DOCK4: variants seen among roughly 807,000 people sequenced by gnomAD.
DOCK4 encodes dedicator of cytokinesis protein 4.
A neutral mutation model predicts 268.1 loss-of-function variants in DOCK4; 97 were observed. The ratio of observed to expected loss-of-function variants is 0.36; its 90% CI spans 0.31 to 0.43. The LOEUF is 0.43. DOCK4 is among the 20% of genes least tolerant of loss of function. The pLI is 1.00. For missense variants in DOCK4, 2,145 were observed against 2,455.7 expected (o/e 0.87, Z 2.67); for synonymous variants, 954 against 887.2 (o/e 1.08, Z -1.34).
At chr7:111,802,610 G>A (rs1343287733) in intron 30 of DOCK4, among the ~76,000 whole-genome samples, 9 of 152,074 alleles carry the variant, frequency 5.9e-5, no homozygotes, top group East Asian at 1.9e-4. Context: ...TAGTCTTTCC[G>A]GAGCCTGGCA....
chr7:112,114,873 A>G (rs1811981747), intron 1 of DOCK4, among the ~76,000 whole-genome samples: 6 of 152,210 alleles, frequency 3.9e-5, no homozygotes, highest in Admixed American at 2.6e-4. Flanking sequence ...AATCCAAAGT[A>G]AAAAGGCGGA....
chr7:111,764,528 A>G (rs562231401), intron 39 of DOCK4, among the ~76,000 whole-genome samples: 6 of 152,234 alleles, frequency 3.9e-5, no homozygotes, highest in South Asian at 2.1e-4. Context: ...CAAGCATAGA[A>G]GACACTACTG....
At chr7:111,883,078 C>T (rs1586259925) in intron 16 of DOCK4, among the ~76,000 whole-genome samples, 1 of 152,132 alleles carries the variant, frequency 6.6e-6, no homozygotes, top group Admixed American at 6.5e-5. Flanking sequence ...CAAATCATTG[C>T]TTTTACTACT....
At chr7:111,831,780 T>C (rs989732818) in intron 26 of DOCK4, among the ~76,000 whole-genome samples, 2 of 152,168 alleles carry the variant, frequency 1.3e-5, no homozygotes, top group African/African-American at 2.4e-5. Context: ...TGAGGTACCG[T>C]GTCTGGCCAA....
rs375983845 is a variant in DOCK4, at chr7:111,915,818, T to A, written c.1153A>T (p.Ile385Leu). The A allele has an allele frequency of 2.3e-5, 37 of 1,613,230 alleles. No individual in the cohort carries two copies. In the East Asian group the frequency reaches 3.1e-4, roughly 14 times the overall value. Residue 385 changes from isoleucine to leucine, a missense_variant, in exon 13 of 53, where the codon ATA becomes TTA. Physicochemically the swap from Ile to Leu is conservative, Grantham distance 5. Transcript: ENST00000428084. ...TTTGAAAATCCCAGCTTCCTTGTTA[T>A]GGATACTCCATGAGAAAATACTGAT... is the stretch of plus-strand genomic sequence containing the variant. The part of the protein sequence containing the change: ...YSSVFSHGVS[I>L]TRKLGFSNII...
rs1354212116 is a variant in DOCK4, at chr7:111,788,593, G to A, written c.3401+69C>T. On this transcript the variant is annotated intron_variant, in intron 32 of 52. Transcript: ENST00000428084. ...CTTTGCAGCTCTCAGCTACCGTGGT[G>A]CAGAGAGGCTCAGTACTGACACCAA... The A allele has an allele frequency of 6.2e-6, 8 of 1,300,804 alleles. No individual in the cohort carries two copies. The East Asian group carries it at 1.8e-4, about 29-fold the overall frequency. 80.6% of individuals were successfully genotyped at this position (1,300,804 alleles called of 1,614,324 possible). A position where few individuals can be genotyped will look rare whatever the true frequency, so the allele number is the denominator to read the frequency against.
At chr7:112,043,923 A>G (rs1027158826) in intron 1 of DOCK4, among the ~76,000 whole-genome samples, 2 of 151,982 alleles carry the variant, frequency 1.3e-5, no homozygotes, top group Non-Finnish European at 2.9e-5. Flanking sequence ...AGATTTCCCA[A>G]TGAGTGACTT....
chr7:111,894,051 G>A (rs915421893), intron 16 of DOCK4, among the ~76,000 whole-genome samples: 18 of 151,980 alleles, frequency 1.2e-4, no homozygotes, highest in Admixed American at 5.9e-4. Flanking sequence ...GTGAAACCCC[G>A]TCTCTACTAA....
chr7:112,004,161 A>G (rs1299519483), intron 1 of DOCK4, 30 bp from the exon 2 acceptor site: 2 of 1,503,026 alleles, frequency 1.3e-6, no homozygotes, highest in Admixed American at 3.9e-5. Flanking sequence ...ATATATGAAG[A>G]CAATCATGTC....
intron 39 of DOCK4, among the ~76,000 whole-genome samples, chr7:111,762,586 C>T (rs2133607457): frequency 6.6e-6 from 1 of 151,982 alleles, no homozygotes; most frequent in African/African-American, 2.4e-5. Context: ...TTTACCCATT[C>T]ATCAGTTAAT....
intron 26 of DOCK4, among the ~76,000 whole-genome samples, chr7:111,823,235 T>G (rs1802133415): frequency 7.4e-6 from 1 of 134,460 alleles, no homozygotes; most frequent in South Asian, 2.2e-4. Flanking sequence ...TTAGACGGAG[T>G]CTTGCTCTGT....
chr7:112,084,178 A>G (rs1338114130), intron 1 of DOCK4, among the ~76,000 whole-genome samples: 1 of 149,952 alleles, frequency 6.7e-6, no homozygotes, highest in Non-Finnish European at 1.5e-5. Flanking sequence ...ATGCCCAGCC[A>G]ATCTCTATCA....
At chr7:111,901,203 G>A (rs1316285112) in intron 14 of DOCK4, among the ~76,000 whole-genome samples, 5 of 151,962 alleles carry the variant, frequency 3.3e-5, no homozygotes, top group Admixed American at 6.6e-5. Context: ...GCATGGTTAC[G>A]CACGCCTGTA....
At chr7:112,076,064 C>T (rs1378140395) in intron 1 of DOCK4, among the ~76,000 whole-genome samples, 1 of 152,036 alleles carries the variant, frequency 6.6e-6, no homozygotes, top group African/African-American at 2.4e-5. Flanking sequence ...AGAAAAAGAC[C>T]TAAAATATTT....
At chr7:111,742,343 C>G (rs1482186018) in intron 44 of DOCK4, among the ~76,000 whole-genome samples, 1 of 152,210 alleles carries the variant, frequency 6.6e-6, no homozygotes, top group East Asian at 1.9e-4. Context: ...GGGATTAGAA[C>G]TTGGTTCTGA....
intron 41 of DOCK4, among the ~76,000 whole-genome samples, chr7:111,757,769 C>A (rs530156518): frequency 1.3e-5 from 2 of 152,152 alleles, no homozygotes; most frequent in Non-Finnish European, 1.5e-5. Flanking sequence ...ATGAGACAAT[C>A]GTGTTAGGAG....
chr7:111,798,648 G>T (rs1800064290), intron 30 of DOCK4, among the ~76,000 whole-genome samples: 1 of 152,174 alleles, frequency 6.6e-6, no homozygotes, highest in Non-Finnish European at 1.5e-5. Context: ...GTCCTCTAGG[G>T]AAAGCTCTTA....
At chr7:112,174,504 G>A (rs968283356) in intron 1 of DOCK4, among the ~76,000 whole-genome samples, 4 of 151,476 alleles carry the variant, frequency 2.6e-5, no homozygotes, top group African/African-American at 4.9e-5. Context: ...TCATCACATC[G>A]TAACTACACA....
At chr7:112,047,350 G>T (rs1804915262) in intron 1 of DOCK4, among the ~76,000 whole-genome samples, 1 of 152,102 alleles carries the variant, frequency 6.6e-6, no homozygotes, top group African/African-American at 2.4e-5. Flanking sequence ...CTACAAAAGT[G>T]CAAATAAGCA....
Sources: allele counts gnomAD v4.1 joint callset (sites outside exome capture counted in the v4.1 genomes callset), GRCh38; gene constraint gnomAD v4.1.1; transcripts MANE v1.5; gene names NCBI Gene and HGNC (gene_info 2026-07-23, HGNC 2026-07-21).